ANK1: variants seen among roughly 807,000 people sequenced by gnomAD.
ANK1 encodes the protein ankyrin 1.
A neutral mutation model predicts 210.4 loss-of-function variants in ANK1; 51 were observed. The observed-to-expected ratio is 0.24, with a 90% CI of 0.19 to 0.31. The LOEUF (loss-of-function observed/expected upper bound fraction) is 0.31. ANK1 is among the 10% of genes least tolerant of loss of function. The pLI is 1.00. For missense variants in ANK1, 2,051 were observed against 2,504.4 expected (o/e 0.82, Z 3.86); for synonymous variants, 967 against 1,025.9 (o/e 0.94, Z 1.10).
chr8:41,723,477 G>A (rs1829813109), intron 8 of ANK1, 58 bp downstream of exon 8: 1 of 1,587,234 alleles, frequency 6.3e-7, no homozygotes. Flanking sequence ...CTCTGGGTGA[G>A]GCTTGTGAGG....
intron 1 of ANK1, among the ~76,000 whole-genome samples, chr8:41,773,765 C>G (rs1054743159): frequency 6.6e-6 from 1 of 152,172 alleles, no homozygotes; most frequent in South Asian, 2.1e-4. Context: ...AGCCGAGAAT[C>G]TACAACAGGA....
chr8:41,837,012 GT>G, intron 1 of ANK1, among the ~76,000 whole-genome samples: 1 of 152,088 alleles, frequency 6.6e-6, no homozygotes, highest in Non-Finnish European at 1.5e-5. Context: ...GTGGTCAGCA[GT>G]TGTGTGACGT....
chr8:41,876,416 G>A (rs866005608), intron 1 of ANK1, among the ~76,000 whole-genome samples: 33 of 152,224 alleles, frequency 2.2e-4, no homozygotes, highest in African/African-American at 7.2e-4. Context: ...CACTGATCGT[G>A]CCCCCTGGGG....
At chr8:41,817,371 A>AGATGAACAGGT (rs1587174571) in intron 1 of ANK1, among the ~76,000 whole-genome samples, 2 of 152,348 alleles carry the variant, frequency 1.3e-5, no homozygotes, top group Admixed American at 6.5e-5. Flanking sequence ...AAACATCTTG[A>AGATGAACAGGT]GATGAACAGG....
rs537962462 is a variant in ANK1 at position 41,807,210 on chromosome 8, A to G, written c.127-49073T>C. On this transcript the variant is annotated intron_variant, in intron 1 of 42. Coordinates refer to the ANK1 transcript ENST00000265709. Reference sequence around the variant, plus strand: ...TGCATTGTTATTCACTCATGACTCCAGCAATCTGATGGGGCAGGCACTGTG... The same window carrying G: ...TGCATTGTTATTCACTCATGACTCCGGCAATCTGATGGGGCAGGCACTGTG... Among the ~76,000 whole-genome samples the G allele has an allele frequency of 3.9e-5, 6 of 152,318 alleles. No individual in the cohort carries two copies. In the East Asian group the frequency reaches 7.7e-4, roughly 20 times the overall value.
intron 25 of ANK1, 22 bp downstream of exon 25, chr8:41,696,654 G>T (rs375705166): frequency 1.9e-6 from 3 of 1,606,096 alleles, no homozygotes; most frequent in Non-Finnish European, 2.5e-6. Flanking sequence ...AGGAGTCCCC[G>T]AGCCCTGCGC....
chr8:41,727,944 A>C lies in ANK1; in HGVS notation c.291T>G (p.Leu97=), dbSNP rs750315765. ...CGTTGACGTTGGCTCCATAGTTGACAAGCTCCCGGACCACCTCATCCTGCC... is the reference window on the plus strand; with the variant it reads ...CGTTGACGTTGGCTCCATAGTTGACCAGCTCCCGGACCACCTCATCCTGCC... ...LAGQDEVVRE[L]VNYGANVNAQ... Residue 97 remains leucine, a synonymous_variant, in exon 4 of 43, where the codon CTT becomes CTG. Transcript: ENST00000289734. The C allele has an allele frequency of 6.2e-7, 1 of 1,614,146 alleles. No individual in the cohort carries two copies. The highest frequency in any genetic ancestry group is 8.5e-7 in the Non-Finnish European group (1 of 1,180,024).
chr8:41,666,263 T>C (rs1351138569), intron 39 of ANK1, among the ~76,000 whole-genome samples: 2 of 152,224 alleles, frequency 1.3e-5, no homozygotes, highest in African/African-American at 2.4e-5. Flanking sequence ...CATGGTTCTA[T>C]GTGGATTTCG....
intron 1 of ANK1, among the ~76,000 whole-genome samples, chr8:41,870,804 C>T (rs533636393): frequency 2.7e-4 from 41 of 152,188 alleles, no homozygotes; most frequent in Non-Finnish European, 4.3e-4. Flanking sequence ...GGCCATGGCA[C>T]CTGGGCTCCG....
chr8:41,780,141 T>A (rs989778740), intron 1 of ANK1, among the ~76,000 whole-genome samples: 1 of 152,184 alleles, frequency 6.6e-6, no homozygotes, highest in African/African-American at 2.4e-5. Context: ...TCCCAGGGCC[T>A]CCCTAGGAAC....
At chr8:41,863,158 A>G (rs1376026177) in intron 1 of ANK1, among the ~76,000 whole-genome samples, 1 of 152,158 alleles carries the variant, frequency 6.6e-6, no homozygotes, top group African/African-American at 2.4e-5. Context: ...GGAGATTGAG[A>G]CCATCCTGGC....
At chr8:41,819,111 TA>T (rs1290049898) in intron 1 of ANK1, among the ~76,000 whole-genome samples, 3 of 152,222 alleles carry the variant, frequency 2.0e-5, no homozygotes, top group Non-Finnish European at 4.4e-5. Flanking sequence ...CATTCAACTG[TA>T]AAAACAGCAA....
At position 41,797,467 on chromosome 8, in the gene ANK1, C is replaced by T. The variant is rs770191629; in HGVS notation, c.27+45G>A. On this transcript the variant is annotated intron_variant, in intron 1 of 42. Coordinates refer to ENST00000289734, the MANE Select transcript of ANK1 (RefSeq NM_000037.4). The surrounding 1 kb of genome is among the most constrained non-coding windows in gnomAD (Gnocchi z 4.0). ...CTACTGGCGCGGCCTGGGTGGCCCC[C>T]TCCTGACATCTCCCCGTCCACCCGA... 1.0e-5 allele frequency: 16 copies of T among 1,586,196 alleles called. No individual in the cohort carries two copies. Among genetic ancestry groups the T allele is most frequent in the Non-Finnish European group, 1.4e-5 (16 of 1,158,584 alleles).
At chr8:41,822,175 AAAGAAAGAAAG>A (rs1271698848) in intron 1 of ANK1, among the ~76,000 whole-genome samples, 39 of 148,516 alleles carry the variant, frequency 2.6e-4, no homozygotes, top group African/African-American at 6.9e-4. Context: ...AGAAAGAAAG[AAAGAAAGAAAG>A]AAGGAAAGAA....
rs965406442 is a variant in ANK1, at chr8:41,653,715, G to C, written c.*2075C>G. ...CCCCCTGCCGTGGCCCCCGGGATGGGGGAGGATGGAGGGGGGCGCCTCTGC... is the reference window on the plus strand; with the variant it reads ...CCCCCTGCCGTGGCCCCCGGGATGGCGGAGGATGGAGGGGGGCGCCTCTGC... On this transcript the variant is annotated 3_prime_UTR_variant, in exon 43 of 43. Transcript: ENST00000289734. The C allele has an allele frequency of 2.0e-5, 3 of 152,306 alleles. No individual in the cohort carries two copies. The highest frequency in any genetic ancestry group is 7.2e-5 in the African/African-American group (3 of 41,472). 9.4% of individuals were successfully genotyped at this position (152,306 alleles called of 1,614,324 possible).
chr8:41,739,525 T>C (rs1225896405), intron 2 of ANK1, among the ~76,000 whole-genome samples: 1 of 148,182 alleles, frequency 6.7e-6, no homozygotes, highest in East Asian at 1.9e-4. Flanking sequence ...TTCTTTCTTT[T>C]TTTTTTTTTT....
At chr8:41,813,797 G>A (rs976082421) in intron 1 of ANK1, among the ~76,000 whole-genome samples, 1 of 152,184 alleles carries the variant, frequency 6.6e-6, no homozygotes, top group Middle Eastern at 3.2e-3. Context: ...ATATTCTGAG[G>A]TTCCTGGGCC....
chr8:41,744,597 T>C (rs88906), intron 2 of ANK1, among the ~76,000 whole-genome samples: 132,293 of 149,090 alleles, frequency 0.89, 58,762 homozygotes, highest in African/African-American at 0.89. Flanking sequence ...AGTGCAGTGG[T>C]GCAATCTCGG....
At chr8:41,691,320 CA>C (rs1819213442) in intron 31 of ANK1, among the ~76,000 whole-genome samples, 1 of 152,184 alleles carries the variant, frequency 6.6e-6, no homozygotes, top group South Asian at 2.1e-4. Context: ...TAATCTCACT[CA>C]TTGTTATGGG....
Sources: allele counts gnomAD v4.1 joint callset (sites outside exome capture counted in the v4.1 genomes callset), GRCh38; gene constraint gnomAD v4.1.1; non-coding constraint Gnocchi (gnomAD v3.1); transcripts MANE v1.5; gene names NCBI Gene and HGNC (gene_info 2026-07-23, HGNC 2026-07-21).